NAPG: variants seen among roughly 807,000 people sequenced by gnomAD.
NAPG encodes the protein gamma-soluble NSF attachment protein.
NAPG carries 25 observed loss-of-function variants against 48.4 expected under a neutral mutation model. The observed-to-expected ratio is 0.52, with a 90% CI of 0.38 to 0.72. NAPG has a LOEUF of 0.72. NAPG is among the 30% of genes least tolerant of loss of function. NAPG has a pLI of 0.00. For synonymous variants in NAPG, 139 were observed against 127.2 expected (o/e 1.09, Z -0.62); for missense variants, 359 against 372.5 (o/e 0.96, Z 0.30).
rs1179316680 is a variant in NAPG at position 10,542,433 on chromosome 18, A to G, written c.506+2034A>G. ...AAAAAATTAAGTCTACTGTCATGGT[A>G]CTTCTATTGGGAACTTAAATAGTGC... On this transcript the variant is annotated intron_variant, in intron 8 of 11. Coordinates refer to ENST00000322897, the MANE Select transcript of NAPG (RefSeq NM_003826.3). The surrounding 1 kb of genome is among the most constrained non-coding windows in gnomAD (Gnocchi z 4.5). Among the ~76,000 whole-genome samples the G allele has an allele frequency of 6.6e-6, 1 of 152,206 alleles. No homozygotes were observed. The highest frequency in any genetic ancestry group is 1.5e-5 in the Non-Finnish European group (1 of 68,034).
At chr18:10,528,144 C>T (rs2031858313) in intron 1 of NAPG, among the ~76,000 whole-genome samples, 1 of 151,946 alleles carries the variant, frequency 6.6e-6, no homozygotes, top group African/African-American at 2.4e-5. Flanking sequence ...GGAGATCGCG[C>T]CACTGCATTC....
In NAPG at chr18:10,546,357, G is replaced by GA; in HGVS notation, c.545dup (p.Asn182LysfsTer4). 1.9e-6 allele frequency: 3 copies of GA among 1,579,664 alleles called. No individual in the cohort carries two copies. Among genetic ancestry groups the GA allele is most frequent in the Non-Finnish European group, 2.6e-6 (3 of 1,159,788 alleles). ...TGAGGCGGCACTCTCTATTCAGAAAGAAAAAAATATTTATAAGGAAATTGA... is the reference window on the plus strand; with the variant it reads ...TGAGGCGGCACTCTCTATTCAGAAAGAAAAAAAATATTTATAAGGAAATTGA... On this transcript the variant is annotated frameshift_variant, in exon 9 of 12. Coordinates refer to ENST00000322897, the MANE Select transcript of NAPG (RefSeq NM_003826.3). LOFTEE classifies it high-confidence loss of function. This position sits in a 1 kb window ranked among gnomAD's most constrained non-coding sequence, Gnocchi z 4.0.
At chr18:10,530,890 A>G in intron 2 of NAPG, 53 bp downstream of exon 2, 2 of 1,343,054 alleles carry the variant, frequency 1.5e-6, no homozygotes, top group South Asian at 1.5e-5. Flanking sequence ...AAATAGTCTG[A>G]TAACTTCATT....
intron 3 of NAPG, 136 bp from the exon 4 acceptor site, chr18:10,533,400 T>C: frequency 1.6e-6 from 1 of 635,970 alleles, no homozygotes; most frequent in Non-Finnish European, 2.6e-6. Flanking sequence ...TTACTTCTTT[T>C]TTACCTGTTT....
intron 5 of NAPG, among the ~76,000 whole-genome samples, chr18:10,536,359 G>C (rs1386072966): frequency 6.6e-6 from 1 of 152,190 alleles, no homozygotes; most frequent in Admixed American, 6.5e-5. Context: ...CTACCAATTT[G>C]TCATACAAAC....
chr18:10,526,261 A>AG (rs2031806385), intron 1 of NAPG, 103 bp downstream of exon 1: 1 of 790,556 alleles, frequency 1.3e-6, no homozygotes, highest in Non-Finnish European at 2.0e-6. Context: ...CTCAGGGCTG[A>AG]GGGGCCTCGG....
intron 1 of NAPG, 54 bp from the exon 2 acceptor site, chr18:10,530,716 C>T: frequency 9.2e-7 from 1 of 1,090,792 alleles, no homozygotes; most frequent in Non-Finnish European, 1.2e-6. Context: ...AAGCAGAGAT[C>T]TGACTTATAA....
Position 10,548,219 on chromosome 18 carries a change from C to G in NAPG, c.586-80C>G. 1 of 979,130 alleles carries G rather than the reference C, an allele frequency of 1.0e-6. No homozygotes were observed. Among genetic ancestry groups the G allele is most frequent in the Non-Finnish European group, 1.6e-6 (1 of 615,098 alleles). 60.7% of individuals were successfully genotyped at this position (979,130 alleles called of 1,614,324 possible). A position where few individuals can be genotyped will look rare whatever the true frequency, so the allele number is the denominator to read the frequency against. Reference sequence around the variant, plus strand: ...AAACAAAGACTCTGAAAGTTAAACTCCAGGTGTTTTCAATACTGCCAGGTT... The same window carrying G: ...AAACAAAGACTCTGAAAGTTAAACTGCAGGTGTTTTCAATACTGCCAGGTT... On this transcript the variant is annotated intron_variant, in intron 9 of 11. Transcript: ENST00000322897. The surrounding 1 kb of genome is among the most constrained non-coding windows in gnomAD (Gnocchi z 4.4).
In NAPG at chr18:10,543,030, A is replaced by G. The variant is rs2032186728; in HGVS notation, c.506+2631A>G. 6.6e-6 allele frequency among the ~76,000 whole-genome samples: 1 copy of G among 152,066 alleles called. No homozygotes were observed. Among genetic ancestry groups the G allele is most frequent in the Admixed American group, 6.6e-5 (1 of 15,266 alleles). On this transcript the variant is annotated intron_variant, in intron 8 of 11. Transcript: ENST00000322897. This position sits in a 1 kb window ranked among gnomAD's most constrained non-coding sequence, Gnocchi z 4.4. ...GAAACTCCTTCTCTACTAAAAATAC[A>G]AAAAGTAGCCGGGTGTGATGACGCA... is the stretch of plus-strand genomic sequence containing the variant.
rs556377414 is a variant in NAPG, at chr18:10,543,581, C to T, written c.507-2745C>T. On this transcript the variant is annotated intron_variant, in intron 8 of 11. Transcript: ENST00000322897. The surrounding 1 kb of genome is among the most constrained non-coding windows in gnomAD (Gnocchi z 4.4). ...CAGGAAATAGTTGGGGCCAGAGGAA[C>T]AGTTTGAGTTGTGGTGTAGAAGGTG... Among the ~76,000 whole-genome samples, 92 of 152,288 alleles carry T rather than the reference C, an allele frequency of 6.0e-4. No individual in the cohort carries two copies. Among genetic ancestry groups the T allele is most frequent in the Non-Finnish European group, 1.0e-3 (71 of 68,036 alleles).
In NAPG at chr18:10,544,758, G is replaced by T. The variant is rs1057208078; in HGVS notation, c.507-1568G>T. Among the ~76,000 whole-genome samples, 1 of 152,200 alleles carries T rather than the reference G, an allele frequency of 6.6e-6. No individual in the cohort carries two copies. The highest frequency in any genetic ancestry group is 1.5e-5 in the Non-Finnish European group (1 of 68,040). ...TAGAGGAAATGTTTACAAGGGGCAA[G>T]AATCGGGAGCACTCTTAGAATTCTG... is the stretch of plus-strand genomic sequence containing the variant. On this transcript the variant is annotated intron_variant, in intron 8 of 11. Transcript: ENST00000322897. This position sits in a 1 kb window ranked among gnomAD's most constrained non-coding sequence, Gnocchi z 5.1.
At chr18:10,530,904 C>A in intron 2 of NAPG, 67 bp downstream of exon 2, 1 of 1,204,922 alleles carries the variant, frequency 8.3e-7, no homozygotes, top group Non-Finnish European at 1.1e-6. Flanking sequence ...CTTCATTTCA[C>A]CATAATACTT....
chr18:10,526,239 C>CCTTCCCCCCGGGGGGGGGG, intron 1 of NAPG, 81 bp downstream of exon 1: 1 of 349,030 alleles, frequency 2.9e-6, no homozygotes, highest in Non-Finnish European at 5.8e-6. Flanking sequence ...CCGGGGGGGG[C>CCTTCCCCCCGGGGGGGGGG]GGGAGGGAGG....
rs982705981 is a variant in NAPG at position 10,548,277 on chromosome 18, A to G, written c.586-22A>G. On this transcript the variant is annotated intron_variant, in intron 9 of 11. Coordinates refer to ENST00000322897, the MANE Select transcript of NAPG (RefSeq NM_003826.3). The surrounding 1 kb of genome is among the most constrained non-coding windows in gnomAD (Gnocchi z 4.4). ...TTATTAAACAGATGTAAATTTGACC[A>G]TGATCCTCTCTTTTGTTTTAGAAAA... The G allele has an allele frequency of 2.3e-5, 36 of 1,577,508 alleles. No individual in the cohort carries two copies. The highest frequency in any genetic ancestry group is 3.1e-5 in the Non-Finnish European group (35 of 1,147,316).
rs1470105490 is a variant in NAPG, at chr18:10,546,513, A to G, written c.585+109A>G. ...ATGGGTATTTCTATGTTTTTGTAAA[A>G]TAATACTTCATGGGCCTCTATTTTT... On this transcript the variant is annotated intron_variant, in intron 9 of 11. Coordinates refer to ENST00000322897, the MANE Select transcript of NAPG (RefSeq NM_003826.3). The surrounding 1 kb of genome is among the most constrained non-coding windows in gnomAD (Gnocchi z 4.0). 1.0e-5 allele frequency: 6 copies of G among 592,684 alleles called. No individual in the cohort carries two copies. In the South Asian group the frequency reaches 1.1e-4, roughly 11 times the overall value. The allele number at this position is 592,684 out of a possible 1,614,324, so 36.7% of individuals were successfully genotyped here.
Position 10,534,338 on chromosome 18 carries a change from A to G in NAPG, c.228-128A>G, listed in dbSNP as rs565851051. ...ATATTGTGTGGTAATATAAGCCTGA[A>G]GTGATATGTTGTGCATGAGCCCATT... On this transcript the variant is annotated intron_variant, in intron 4 of 11. Coordinates refer to ENST00000322897, the MANE Select transcript of NAPG (RefSeq NM_003826.3). The surrounding 1 kb of genome is among the most constrained non-coding windows in gnomAD (Gnocchi z 5.0). 124 of 628,466 alleles carry G rather than the reference A, an allele frequency of 2.0e-4. No individual in the cohort carries two copies. Among genetic ancestry groups the G allele is most frequent in the African/African-American group, 1.9e-3 (107 of 55,218 alleles). 38.9% of individuals were successfully genotyped at this position (628,466 alleles called of 1,614,324 possible).
intron 3 of NAPG, 107 bp from the exon 4 acceptor site, chr18:10,533,429 A>C: frequency 2.1e-6 from 2 of 938,072 alleles, no homozygotes; most frequent in Non-Finnish European, 3.1e-6. Flanking sequence ...TGTCTTTTGG[A>C]ACCAACTGGG....
rs1027809956 is a variant in NAPG at position 10,542,061 on chromosome 18, T to C, written c.506+1662T>C. 2.6e-5 allele frequency among the ~76,000 whole-genome samples: 4 copies of C among 152,174 alleles called. No homozygotes were observed. The highest frequency in any genetic ancestry group is 6.5e-5 in the Admixed American group (1 of 15,278). ...TGTTGCCAGTCGGTTTGGACACATC[T>C]GATGAAAGCCATTGTTTTAAAGCAA... On this transcript the variant is annotated intron_variant, in intron 8 of 11. Transcript: ENST00000322897. This position sits in a 1 kb window ranked among gnomAD's most constrained non-coding sequence, Gnocchi z 4.5.
Position 10,548,788 on chromosome 18 carries a change from C to T in NAPG, c.666-179C>T, listed in dbSNP as rs1402768252. On this transcript the variant is annotated intron_variant, in intron 10 of 11. Transcript: ENST00000322897. The surrounding 1 kb of genome is among the most constrained non-coding windows in gnomAD (Gnocchi z 4.4). Reference sequence around the variant, plus strand: ...TCTTTGTGGTCGGGCCTGTCCTGTGCACTGTAGGCTGGTTAGCGGGATCCC... The same window carrying T: ...TCTTTGTGGTCGGGCCTGTCCTGTGTACTGTAGGCTGGTTAGCGGGATCCC... Among the ~76,000 whole-genome samples the T allele has an allele frequency of 6.6e-6, 1 of 152,134 alleles. No homozygotes were observed. The highest frequency in any genetic ancestry group is 1.5e-5 in the Non-Finnish European group (1 of 68,032).
Sources: gnomAD v4.1 joint callset for allele counts (sites outside exome capture counted in the v4.1 genomes callset) on GRCh38, gnomAD v4.1.1 for gene constraint, Gnocchi (gnomAD v3.1) non-coding constraint, MANE v1.5 for transcripts, NCBI Gene and HGNC (gene_info 2026-07-23, HGNC 2026-07-21) for gene names.